Variants in LRP2 observed in about 807,000 individuals in gnomAD.
The protein encoded by LRP2 is LDL receptor related protein 2, also known as low-density lipoprotein receptor-related protein 2.
Under a neutral mutation model 531.0 loss-of-function variants are expected in LRP2, and 172 were observed. That is an observed-to-expected ratio of 0.32 (90% CI 0.29 to 0.37). The LOEUF (loss-of-function observed/expected upper bound fraction) is 0.37, where lower values mean the gene tolerates loss of function less well. LRP2 is among the 10% of genes least tolerant of loss of function. LRP2 has a pLI of 1.00. For missense variants in LRP2, 5,167 were observed against 5,868.3 expected (o/e 0.88, Z 3.90); for synonymous variants, 1,992 against 2,027.6 (o/e 0.98, Z 0.47).
intron 1 of LRP2, among the ~76,000 whole-genome samples, chr2:169,350,746 A>T (rs997687707): frequency 2.1e-5 from 3 of 143,634 alleles, no homozygotes; most frequent in Admixed American, 2.1e-4. Flanking sequence ...AAAAAAAAAA[A>T]GTGGGGACTC....
intron 18 of LRP2, among the ~76,000 whole-genome samples, chr2:169,256,496 T>G (rs2105406193): frequency 6.6e-6 from 1 of 152,300 alleles, no homozygotes; most frequent in Non-Finnish European, 1.5e-5. Context: ...TATTTTCTCC[T>G]TGTGAAATCA....
chr2:169,245,070 T>TGA, intron 21 of LRP2, 138 bp from the exon 22 acceptor site: 1 of 915,420 alleles, frequency 1.1e-6, no homozygotes, highest in Non-Finnish European at 1.7e-6. Flanking sequence ...TCAAGTGATG[T>TGA]CATCATCACT....
rs1404818898 is a variant in LRP2, at chr2:169,318,754, A to C, written c.310+8T>G. The C allele has an allele frequency of 6.2e-7, 1 of 1,614,044 alleles. No homozygotes were observed. Among genetic ancestry groups the C allele is most frequent in the East Asian group, 2.2e-5 (1 of 44,878 alleles). Reference sequence around the variant, plus strand: ...AAGCCAAAGCAAGATTCCTCTCCAAACACTTACAGCAATCTTGACGTTCAT... The same window carrying C: ...AAGCCAAAGCAAGATTCCTCTCCAACCACTTACAGCAATCTTGACGTTCAT... On this transcript the variant is annotated splice_region_variant and intron_variant, in intron 3 of 78. Coordinates refer to ENST00000649046, the MANE Select transcript of LRP2 (RefSeq NM_004525.3).
chr2:169,139,229 C>T (rs370461433), intron 74 of LRP2, 22 bp downstream of exon 74: 59 of 1,614,090 alleles, frequency 3.7e-5, no homozygotes, highest in Non-Finnish European at 4.3e-5. Flanking sequence ...CAAACATCAA[C>T]GTTCCCCATA....
rs116391860 is a variant in LRP2 at position 169,285,895 on chromosome 2, A to T, written c.1043-2894T>A. On this transcript the variant is annotated intron_variant, in intron 9 of 78. Transcript: ENST00000649046. Reference sequence around the variant, plus strand: ...ATTACCACCGAGGTATTCACTGGGGAGCCATGTCTAAGATAATAAATGTTG... The same window carrying T: ...ATTACCACCGAGGTATTCACTGGGGTGCCATGTCTAAGATAATAAATGTTG... Among the ~76,000 whole-genome samples the T allele has an allele frequency of 8.5e-3, 1,298 of 152,296 alleles. 27 individuals are homozygous for T. Among genetic ancestry groups the T allele is most frequent in the African/African-American group, 0.03 (1,243 of 41,564 alleles).
Position 169,273,106 on chromosome 2 carries a change from A to C in LRP2, c.1976-39T>G, listed in dbSNP as rs1382570327. 2.5e-6 allele frequency: 4 copies of C among 1,612,044 alleles called. No individual in the cohort carries two copies. The Admixed American group carries it at 6.7e-5, about 27-fold the overall frequency. ...TGCACAGGGTTAAATTGCAATTAGA[A>C]ATGTGTAATTATCCAAGACATGAAG... On this transcript the variant is annotated intron_variant, in intron 14 of 78. Transcript: ENST00000649046.
At chr2:169,326,945 G>A (rs1255883163) in intron 1 of LRP2, among the ~76,000 whole-genome samples, 8 of 149,882 alleles carry the variant, frequency 5.3e-5, no homozygotes, top group Non-Finnish European at 1.0e-4. Flanking sequence ...CTGCCCAGCC[G>A]CCCCGTCTGA....
In LRP2 at chr2:169,290,942, C is replaced by T; in HGVS notation, c.825G>A (p.Glu275=). Reference sequence around the variant, plus strand: ...TATAAATGGAGATGCATCGTCCCGACTCTGGGCAAGACCATTCTCTTGGGG... The same window carrying T: ...TATAAATGGAGATGCATCGTCCCGATTCTGGGCAAGACCATTCTCTTGGGG... ...KCSPREWSCP[E]SGRCISIYKV... is the part of the protein sequence containing the mutation. The change falls in exon 8 of 79, where the codon GAG becomes GAA. Residue 275 remains glutamate, a synonymous_variant. Transcript: ENST00000649046. 2 of 1,614,146 alleles carry T rather than the reference C, an allele frequency of 1.2e-6. No homozygotes were observed. The highest frequency in any genetic ancestry group is 1.7e-5 in the Admixed American group (1 of 60,022).
At chr2:169,318,589 G>GT (rs1228288713) in intron 3 of LRP2, among the ~76,000 whole-genome samples, 173 bp downstream of exon 3, 1 of 152,106 alleles carries the variant, frequency 6.6e-6, no homozygotes, top group African/African-American at 2.4e-5. Flanking sequence ...CAGTACATCC[G>GT]TACTTTCAAT....
Position 169,185,770 on chromosome 2 carries a change from T to G in LRP2, c.9578A>C (p.Gln3193Pro). The stretch of plus-strand genomic sequence containing the variant: ...GAGATAGGGTTCGATGTTACTGTTT[T>G]GCCGGCAGGTCTTTCCATCTGGTTC... ...LREPDGKTCR[Q>P]NSNIEPYLIF... The change falls in exon 50 of 79, where the codon CAA becomes CCA. Residue 3193 changes from glutamine to proline, a missense_variant. By Grantham distance (76) the Gln-to-Pro change is moderately conservative. Coordinates refer to ENST00000649046, the MANE Select transcript of LRP2 (RefSeq NM_004525.3). 2 of 1,613,740 alleles carry G rather than the reference T, an allele frequency of 1.2e-6. No homozygotes were observed. Among genetic ancestry groups the G allele is most frequent in the Non-Finnish European group, 1.7e-6 (2 of 1,179,898 alleles).
At chr2:169,248,260 A>C (rs1690091545) in intron 19 of LRP2, among the ~76,000 whole-genome samples, 1 of 152,254 alleles carries the variant, frequency 6.6e-6, no homozygotes, top group Non-Finnish European at 1.5e-5. Context: ...ATATTTTTAA[A>C]AGAAAGAATT....
rs375643749 is a variant in LRP2 at position 169,170,629 on chromosome 2, T to A, written c.11302A>T (p.Asn3768Tyr). The change falls in exon 59 of 79, where the codon AAT becomes TAT. Residue 3768 changes from asparagine (N) to tyrosine (Y), a missense_variant. Around this residue, in one of 6 missense-constraint regions of LRP2, gnomAD observed 564 missense variants for 747.7 expected, o/e 0.75. Coordinates refer to ENST00000649046, the MANE Select transcript of LRP2 (RefSeq NM_004525.3). ...CATCGCGAGGGAATGCACTGCTGAT[T>A]GACACATCGAAACTCGCTCTCTGTG... ...ECTESEFRCV[N>Y]QQCIPSRWIC... 3 of 1,614,034 alleles carry A rather than the reference T, an allele frequency of 1.9e-6. No homozygotes were observed. Among genetic ancestry groups the A allele is most frequent in the African/African-American group, 2.7e-5 (2 of 74,908 alleles).
At chr2:169,231,678 T>A in intron 31 of LRP2, 36 bp downstream of exon 31, 1 of 1,612,900 alleles carries the variant, frequency 6.2e-7, no homozygotes, top group Non-Finnish European at 8.5e-7. Context: ...TATGACCAGC[T>A]CCATCTTCAG....
chr2:169,177,846 T>G lies in LRP2; in HGVS notation c.10350A>C (p.Arg3450Ser). 2 of 1,614,218 alleles carry G rather than the reference T, an allele frequency of 1.2e-6. No individual in the cohort carries two copies. The highest frequency in any genetic ancestry group is 1.7e-6 in the Non-Finnish European group (2 of 1,180,032). ...NRQTLVNTTH[R>S]PFDIHVYHPY... ...GATGGTACACATGGATGTCAAATGG[T>G]CTGTGTGTTGTGTTCACCAGTGTCT... Residue 3450 changes from arginine (R) to serine (S), a missense_variant, in exon 53 of 79, where the codon AGA becomes AGC. Coordinates refer to ENST00000649046, the MANE Select transcript of LRP2 (RefSeq NM_004525.3).
At chr2:169,237,824 A>C (rs1321162514) in intron 27 of LRP2, among the ~76,000 whole-genome samples, 2 of 152,174 alleles carry the variant, frequency 1.3e-5, no homozygotes, top group Non-Finnish European at 2.9e-5. Flanking sequence ...AAAGACTGCA[A>C]AAGGAACCGT....
intron 4 of LRP2, among the ~76,000 whole-genome samples, chr2:169,306,300 G>A (rs957600501): frequency 5.9e-5 from 9 of 152,096 alleles, no homozygotes; most frequent in East Asian, 3.9e-4. Flanking sequence ...TTGGGAGGCC[G>A]AGGCGGGTGG....
At chr2:169,343,848 G>A (rs907284658) in intron 1 of LRP2, among the ~76,000 whole-genome samples, 2 of 152,170 alleles carry the variant, frequency 1.3e-5, no homozygotes, top group African/African-American at 4.8e-5. Flanking sequence ...AGTGGCTTCA[G>A]CTCAGTTTCA....
intron 4 of LRP2, among the ~76,000 whole-genome samples, chr2:169,303,473 A>C (rs1253391952): frequency 6.6e-6 from 1 of 152,170 alleles, no homozygotes; most frequent in Non-Finnish European, 1.5e-5. Flanking sequence ...GGTGACTGGC[A>C]GTTCCCTTTC....
At chr2:169,216,501 T>C (rs954134653) in intron 34 of LRP2, 71 bp from the exon 35 acceptor site, 1 of 1,430,076 alleles carries the variant, frequency 7.0e-7, no homozygotes, top group African/African-American at 1.4e-5. Flanking sequence ...TAAATGACAA[T>C]GTGTATTACT....
Sources: allele counts gnomAD v4.1 joint callset (sites outside exome capture counted in the v4.1 genomes callset), GRCh38; gene constraint gnomAD v4.1.1; regional missense constraint gnomAD v4.1.1; transcripts MANE v1.5; gene names NCBI Gene and HGNC (gene_info 2026-07-23, HGNC 2026-07-21).